The following LTF variants were observed in gnomAD, a reference collection of about 807,000 sequenced individuals.
LTF encodes the protein epididymis luminal protein 110.
LTF carries 91 observed loss-of-function variants against 87.2 expected under a neutral mutation model. That is an observed-to-expected ratio of 1.04 (90% CI 0.88 to 1.24). The LOEUF (loss-of-function observed/expected upper bound fraction) is 1.24, where lower values mean the gene tolerates loss of function less well. Among genes scored for constraint, LTF ranks in the 50% most tolerant of loss-of-function variants. The pLI is 0.00. For synonymous variants in LTF, 378 were observed against 356.1 expected (o/e 1.06, Z -0.69); for missense variants, 901 against 904.3 (o/e 1.00, Z 0.05).
chr3:46,448,774 C>G, intron 9 of LTF, 89 bp downstream of exon 9: 2 of 1,521,004 alleles, frequency 1.3e-6, no homozygotes, highest in Non-Finnish European at 8.9e-7. Context: ...CCCGTGGCCT[C>G]TTTGACTGTT....
rs115498165 is a variant in LTF, at chr3:46,481,329, G to T, written c.-320+3657C>A. On this transcript the variant is annotated intron_variant, in intron 1 of 19. Transcript: ENST00000443496. Reference sequence around the variant, plus strand: ...CCAGGAAACTGCTGGTCCCAAGATAGGAGGACAAAGTACAAATGAACTTTG... The same window carrying T: ...CCAGGAAACTGCTGGTCCCAAGATATGAGGACAAAGTACAAATGAACTTTG... 4.2e-3 allele frequency among the ~76,000 whole-genome samples: 642 copies of T among 152,320 alleles called. 3 individuals carry two copies. Among genetic ancestry groups the T allele is most frequent in the Non-Finnish European group, 7.4e-3 (505 of 68,026 alleles).
At position 46,448,993 on chromosome 3, in the gene LTF, C is replaced by T. The variant is rs563611764; in HGVS notation, c.1082G>A (p.Arg361His). ...RKSEEEVAAR[R>H]ARVVWCAVGE... ...CACCGCACACCACACGACCCGCGCA[C>T]GCCGGGCAGCCACTTCCTCCTCACC... The change falls in exon 9 of 17, where the codon CGT (arginine) becomes CAT (histidine). Residue 361 changes from arginine (R) to histidine (H), a missense_variant. Transcript: ENST00000231751. 5.8e-5 allele frequency: 93 copies of T among 1,610,402 alleles called. No individual in the cohort carries two copies. The highest frequency in any genetic ancestry group is 3.6e-4 in the South Asian group (33 of 90,806).
intron 1 of LTF, among the ~76,000 whole-genome samples, chr3:46,477,391 C>T (rs80002729): frequency 6.6e-6 from 1 of 152,232 alleles, no homozygotes; most frequent in Admixed American, 6.5e-5. Flanking sequence ...AAGGCCACAC[C>T]TGCATTCTAG....
At chr3:46,459,561 G>T in intron 2 of LTF, 95 bp downstream of exon 2, 1 of 1,228,302 alleles carries the variant, frequency 8.1e-7, no homozygotes, top group Non-Finnish European at 1.1e-6. Flanking sequence ...AACAGGTGAA[G>T]CAGAGGAAGT....
intron 10 of LTF, among the ~76,000 whole-genome samples, 194 bp downstream of exon 10, chr3:46,447,114 C>G (rs1702674640): frequency 6.6e-6 from 1 of 152,226 alleles, no homozygotes; most frequent in South Asian, 2.1e-4. Context: ...TAAAACCAAC[C>G]TGTCCCTTGT....
chr3:46,456,329 G>C lies in LTF; in HGVS notation c.277C>G (p.Leu93Val), dbSNP rs1346588604. The C allele has an allele frequency of 1.2e-6, 2 of 1,614,198 alleles. No individual in the cohort carries two copies. Among genetic ancestry groups the C allele is most frequent in the South Asian group, 2.2e-5 (2 of 91,086 alleles). The change falls in exon 3 of 17, where the codon CTG (leucine) becomes GTG (valine). Residue 93 changes from leucine (L) to valine (V), a missense_variant. Leu to Val is a conservative substitution (Grantham distance 32). Coordinates refer to ENST00000231751, the MANE Select transcript of LTF (RefSeq NM_002343.6). ...IYEAGLAPYKLRPVAAEVYGT... is the reference protein window; with the variant it reads ...IYEAGLAPYKVRPVAAEVYGT... ...TAGACTTCCGCCGCTACAGGTCGCA[G>C]TTTGTAGGGGGCCAGGCCTGCCTCG... is the stretch of plus-strand genomic sequence containing the variant.
intron 1 of LTF, among the ~76,000 whole-genome samples, chr3:46,477,457 C>T (rs1391735204): frequency 1.3e-5 from 2 of 152,212 alleles, no homozygotes; most frequent in Admixed American, 6.5e-5. Context: ...AAGGCAGGGT[C>T]AGTGATGAGA....
chr3:46,471,197 C>T (rs1703280779), intron 1 of LTF, among the ~76,000 whole-genome samples: 1 of 152,140 alleles, frequency 6.6e-6, no homozygotes, highest in Admixed American at 6.5e-5. Context: ...CAGCTGCCTG[C>T]CTTTTCTAGA....
At chr3:46,463,218 A>G (rs1703128344) in intron 1 of LTF, among the ~76,000 whole-genome samples, 1 of 152,248 alleles carries the variant, frequency 6.6e-6, no homozygotes, top group Non-Finnish European at 1.5e-5. Context: ...GACACTGGCC[A>G]AAACACACAT....
chr3:46,477,852 G>A (rs887374235), intron 1 of LTF, among the ~76,000 whole-genome samples: 34 of 152,114 alleles, frequency 2.2e-4, no homozygotes, highest in African/African-American at 8.2e-4. Context: ...GCAGAGTCCT[G>A]GGAATCTGCA....
At chr3:46,467,979 T>C (rs374649508), upstream of LTF, among the ~76,000 whole-genome samples, 5 of 152,198 alleles carry the variant, frequency 3.3e-5, no homozygotes, top group East Asian at 7.7e-4. Flanking sequence ...CCTCCAACCC[T>C]GAACCTTTTC....
intron 1 of LTF, among the ~76,000 whole-genome samples, chr3:46,472,465 AAAATC>A (rs1703303845): frequency 6.9e-6 from 1 of 145,822 alleles, no homozygotes. Flanking sequence ...TAATCTCCAG[AAAATC>A]AATTTTGGAA....
intron 9 of LTF, among the ~76,000 whole-genome samples, chr3:46,448,158 G>T (rs983445688): frequency 1.3e-5 from 2 of 152,132 alleles, no homozygotes; most frequent in Non-Finnish European, 2.9e-5. Flanking sequence ...GAGCCCAGGA[G>T]TTCGAGACGA....
At chr3:46,462,116 C>A (rs1703097023) in intron 1 of LTF, among the ~76,000 whole-genome samples, 7 of 152,196 alleles carry the variant, frequency 4.6e-5, no homozygotes, top group Admixed American at 4.6e-4. Context: ...CTATCCCACA[C>A]TGAGAATTAA....
upstream of LTF, among the ~76,000 whole-genome samples, chr3:46,467,639 CT>C (rs1357572975): frequency 7.3e-6 from 1 of 137,030 alleles, no homozygotes; most frequent in Non-Finnish European, 1.5e-5. Context: ...CTTTTCTTTT[CT>C]TTTCTTTTTT....
At chr3:46,450,736 A>C in intron 6 of LTF, 63 bp from the exon 7 acceptor site, 1 of 1,384,850 alleles carries the variant, frequency 7.2e-7, no homozygotes, top group Non-Finnish European at 1.0e-6. Flanking sequence ...ACCTCGAGCT[A>C]TAGTTCCCCT....
chr3:46,447,559 A>C (rs1254759760), intron 9 of LTF, among the ~76,000 whole-genome samples, 161 bp from the exon 10 acceptor site: 1 of 152,236 alleles, frequency 6.6e-6, no homozygotes, highest in Non-Finnish European at 1.5e-5. Context: ...CACCGTGTGC[A>C]CCACTAATTC....
intron 14 of LTF, 115 bp from the exon 15 acceptor site, chr3:46,439,595 GTGATGT>G: frequency 1.2e-6 from 1 of 823,942 alleles, no homozygotes; most frequent in Non-Finnish European, 1.9e-6. Flanking sequence ...TGGGGTTGTG[GTGATGT>G]GAGGAACAGA....
At chr3:46,454,275 A>G in intron 6 of LTF, 30 bp downstream of exon 6, 1 of 1,606,010 alleles carries the variant, frequency 6.2e-7, no homozygotes, top group Non-Finnish European at 8.5e-7. Context: ...AAAAGGGGTC[A>G]GTACCCACGG....
Sources: gnomAD v4.1 joint callset for allele counts (sites outside exome capture counted in the v4.1 genomes callset) on GRCh38, gnomAD v4.1.1 for gene constraint, MANE v1.5 for transcripts, NCBI Gene and HGNC (gene_info 2026-07-23, HGNC 2026-07-21) for gene names.